The following LHFPL2 variants were observed in gnomAD, a reference collection of about 807,000 sequenced individuals.
LHFPL2 encodes the protein LHFPL tetraspan subfamily member 2.
LHFPL2 carries 7 observed loss-of-function variants against 17.5 expected under a neutral mutation model. The ratio of observed to expected loss-of-function variants is 0.40; its 90% CI spans 0.23 to 0.75. The LOEUF (loss-of-function observed/expected upper bound fraction) is 0.75, where lower values mean the gene tolerates loss of function less well. LHFPL2 is among the 30% of genes least tolerant of loss of function. LHFPL2 has a pLI of 0.37. For synonymous variants in LHFPL2, 134 were observed against 116.2 expected, an observed-to-expected ratio of 1.15 and a Z score of -0.99; for missense variants, 241 against 294.8, an observed-to-expected ratio of 0.82 and a Z score of 1.34.
chr5:78,580,421 A>G (rs1180322875), intron 2 of LHFPL2, among the ~76,000 whole-genome samples: 4 of 151,858 alleles, frequency 2.6e-5, no homozygotes, highest in Non-Finnish European at 5.9e-5. Flanking sequence ...GTCCTTGCCC[A>G]TGCCTATGTC....
chr5:78,581,752 T>C (rs1296896374), intron 2 of LHFPL2, among the ~76,000 whole-genome samples: 1 of 152,214 alleles, frequency 6.6e-6, no homozygotes, highest in Non-Finnish European at 1.5e-5. Context: ...TAAAATTCTC[T>C]TTTTTGGTTG....
At chr5:78,508,069 A>G (rs1234563860) in intron 4 of LHFPL2, among the ~76,000 whole-genome samples, 3 of 152,068 alleles carry the variant, frequency 2.0e-5, no homozygotes, top group Non-Finnish European at 4.4e-5. Context: ...CACCTTTAAT[A>G]TTTCTGGGTG....
chr5:78,600,922 G>A (rs1214244639), intron 2 of LHFPL2, among the ~76,000 whole-genome samples: 1 of 152,158 alleles, frequency 6.6e-6, no homozygotes, highest in Non-Finnish European at 1.5e-5. Flanking sequence ...TTTGGCCTGT[G>A]TCTGAACTCA....
At chr5:78,515,366 T>C (rs1020279432) in intron 3 of LHFPL2, among the ~76,000 whole-genome samples, 1 of 152,212 alleles carries the variant, frequency 6.6e-6, no homozygotes, top group African/African-American at 2.4e-5. Context: ...GATTTCCTCA[T>C]GATTTCATTT....
intron 3 of LHFPL2, among the ~76,000 whole-genome samples, chr5:78,544,894 GTCTTT>G (rs1756224383): frequency 6.6e-6 from 1 of 151,986 alleles, no homozygotes; most frequent in Non-Finnish European, 1.5e-5. Context: ...TTTCTTTCTT[GTCTTT>G]TCTTTTTTTA....
chr5:78,490,822 T>C lies in LHFPL2; in HGVS notation c.431-1669A>G, dbSNP rs529253893. Among the ~76,000 whole-genome samples the C allele has an allele frequency of 5.3e-5, 8 of 150,554 alleles. No homozygotes were observed. The South Asian group carries it at 1.7e-3, about 32-fold the overall frequency. On this transcript the variant is annotated intron_variant, in intron 4 of 4. Coordinates refer to ENST00000380345, the MANE Select transcript of LHFPL2 (RefSeq NM_005779.3). Reference sequence around the variant, plus strand: ...AACATTTTCTCTGAAAAATTCAACCTATGTAATCAAGAATGCTGTATCATA... The same window carrying C: ...AACATTTTCTCTGAAAAATTCAACCCATGTAATCAAGAATGCTGTATCATA...
At chr5:78,555,888 G>A (rs560176737) in intron 3 of LHFPL2, among the ~76,000 whole-genome samples, 28 of 152,334 alleles carry the variant, frequency 1.8e-4, no homozygotes, top group Non-Finnish European at 3.5e-4. Flanking sequence ...ATCAGGAGAG[G>A]AGAAGCAGGT....
chr5:78,505,449 ATG>A (rs1754903600), intron 4 of LHFPL2, among the ~76,000 whole-genome samples: 1 of 152,178 alleles, frequency 6.6e-6, no homozygotes, highest in Non-Finnish European at 1.5e-5. Context: ...GGAATGGAAA[ATG>A]TGTGTGTCAG....
chr5:78,524,193 G>A (rs991993159), intron 3 of LHFPL2, among the ~76,000 whole-genome samples: 2 of 152,106 alleles, frequency 1.3e-5, no homozygotes, highest in African/African-American at 4.8e-5. Flanking sequence ...TGCTCACCTT[G>A]CGCCCAGGTT....
intron 2 of LHFPL2, among the ~76,000 whole-genome samples, chr5:78,623,719 T>C (rs1744938833): frequency 6.6e-6 from 1 of 152,220 alleles, no homozygotes; most frequent in African/African-American, 2.4e-5. Flanking sequence ...TGTAAATGAA[T>C]GAATGAAACT....
chr5:78,625,816 G>A (rs1745014388), intron 2 of LHFPL2: 1 of 152,194 alleles, frequency 6.6e-6, no homozygotes, highest in South Asian at 2.1e-4. Flanking sequence ...TGGCCTCACG[G>A]GGCTTTAGCC....
chr5:78,512,133 A>G (rs1459245434), intron 3 of LHFPL2, among the ~76,000 whole-genome samples: 1 of 152,160 alleles, frequency 6.6e-6, no homozygotes, highest in Non-Finnish European at 1.5e-5. Flanking sequence ...CCTGTAACAT[A>G]GATGACACCG....
chr5:78,566,445 T>A (rs1324730780), intron 2 of LHFPL2, among the ~76,000 whole-genome samples: 1 of 152,004 alleles, frequency 6.6e-6, no homozygotes. Flanking sequence ...AAGTCCTTTG[T>A]TATAACAGTT....
At chr5:78,608,834 A>C (rs1368482457) in intron 2 of LHFPL2, among the ~76,000 whole-genome samples, 1 of 152,032 alleles carries the variant, frequency 6.6e-6, no homozygotes, top group East Asian at 1.9e-4. Context: ...CGGGAGGCTG[A>C]AGCAGGAGAA....
In LHFPL2 at chr5:78,510,056, G is replaced by A. The variant is rs996445967; in HGVS notation, c.158C>T (p.Ser53Phe). 5.0e-6 allele frequency: 8 copies of A among 1,610,162 alleles called. No homozygotes were observed. The highest frequency in any genetic ancestry group is 1.1e-5 in the South Asian group (1 of 90,736). The change falls in exon 4 of 5, where the codon TCC becomes TTC. Residue 53 changes from serine (S) to phenylalanine (F), a missense_variant. Physicochemically the swap from Ser to Phe is radical, Grantham distance 155 (BLOSUM62 -2). Coordinates refer to ENST00000380345, the MANE Select transcript of LHFPL2 (RefSeq NM_005779.3). Reference sequence around the variant, plus strand: ...CAGGGTGGGGTGGTAGGGCTCCGGGGAGCCCCCGCCCGGGCCCGCCGGCTC... The same window carrying A: ...CAGGGTGGGGTGGTAGGGCTCCGGGAAGCCCCCGCCCGGGCCCGCCGGCTC... ...GVEPAGPGGGSPEPYHPTLGI... is the reference protein window; with the variant it reads ...GVEPAGPGGGFPEPYHPTLGI...
chr5:78,589,333 T>G lies in LHFPL2; in HGVS notation c.-244-24462A>C, dbSNP rs10067295. Among the ~76,000 whole-genome samples, 288 of 151,672 alleles carry G rather than the reference T, an allele frequency of 1.9e-3. 1 individual carries two copies. The highest frequency in any genetic ancestry group is 6.5e-3 in the African/African-American group (268 of 41,348). Reference sequence around the variant, plus strand: ...AAAATAAAAACAAATTAGCTGGGCATGGTGGCACGCGCCTGTAATTCCAGC... The same window carrying G: ...AAAATAAAAACAAATTAGCTGGGCAGGGTGGCACGCGCCTGTAATTCCAGC... On this transcript the variant is annotated intron_variant, in intron 2 of 4. Transcript: ENST00000380345.
intron 2 of LHFPL2, among the ~76,000 whole-genome samples, chr5:78,567,544 G>T (rs1426371208): frequency 6.6e-6 from 1 of 151,954 alleles, no homozygotes; most frequent in Non-Finnish European, 1.5e-5. Flanking sequence ...AGAAACATTG[G>T]TCTGTTACTA....
chr5:78,562,804 G>A (rs148045594), intron 3 of LHFPL2, among the ~76,000 whole-genome samples: 1 of 152,262 alleles, frequency 6.6e-6, no homozygotes, highest in Non-Finnish European at 1.5e-5. Context: ...GTTTTATTAG[G>A]TTAAGTATTC....
chr5:78,493,159 G>C (rs1754503220), intron 4 of LHFPL2, among the ~76,000 whole-genome samples: 1 of 152,132 alleles, frequency 6.6e-6, no homozygotes, highest in South Asian at 2.1e-4. Flanking sequence ...TCTACCAAAG[G>C]AATCCCAGCA....
Sources: allele counts gnomAD v4.1 joint callset (sites outside exome capture counted in the v4.1 genomes callset), GRCh38; gene constraint gnomAD v4.1.1; transcripts MANE v1.5; gene names NCBI Gene and HGNC (gene_info 2026-07-23, HGNC 2026-07-21).